Variants in ROCK1 observed in about 807,000 individuals in gnomAD.
The protein encoded by ROCK1 is rho-associated protein kinase 1.
A neutral mutation model predicts 196.8 loss-of-function variants in ROCK1; 36 were observed. The observed-to-expected ratio is 0.18, with a 90% CI of 0.14 to 0.24. ROCK1 has a LOEUF of 0.24. ROCK1 is among the 10% of genes least tolerant of loss of function. The pLI is 1.00. For missense variants in ROCK1, 920 were observed against 1,562.0 expected (o/e 0.59, Z 6.93); for synonymous variants, 443 against 515.9 (o/e 0.86, Z 1.91).
intron 2 of ROCK1, among the ~76,000 whole-genome samples, chr18:21,064,048 TTATC>T (rs1439472696): frequency 2.6e-5 from 4 of 152,300 alleles, no homozygotes; most frequent in South Asian, 2.1e-4. Context: ...TTCAATTTCT[TTATC>T]TAAGTTTTTA....
intron 29 of ROCK1, among the ~76,000 whole-genome samples, chr18:20,957,475 T>C (rs1438297671): frequency 3.9e-5 from 6 of 152,040 alleles, no homozygotes; most frequent in African/African-American, 1.4e-4. Flanking sequence ...ACAAGTGAGC[T>C]TTCCTTTTTC....
At position 20,947,757 on chromosome 18, in the gene ROCK1, C is replaced by T. The variant is rs2035143060; in HGVS notation, c.*3627G>A. On this transcript the variant is annotated 3_prime_UTR_variant, in exon 33 of 33. Transcript: ENST00000399799. ...TGTCTTTTTAAACTTCTCCAAATGTCTTACAATTTTCTTGGTGGAGGTCGT... is the reference window on the plus strand; with the variant it reads ...TGTCTTTTTAAACTTCTCCAAATGTTTTACAATTTTCTTGGTGGAGGTCGT... 2 of 152,020 alleles carry T rather than the reference C, an allele frequency of 1.3e-5. No individual in the cohort carries two copies. The highest frequency in any genetic ancestry group is 4.8e-5 in the African/African-American group (2 of 41,374). The allele number at this position is 152,020 out of a possible 1,614,324, so 9.4% of individuals were successfully genotyped here.
chr18:21,004,709 T>G (rs910487577), intron 16 of ROCK1, among the ~76,000 whole-genome samples: 10 of 152,164 alleles, frequency 6.6e-5, no homozygotes, highest in African/African-American at 9.7e-5. Flanking sequence ...TATTCTTATC[T>G]CCTTGGTTTA....
intron 1 of ROCK1, among the ~76,000 whole-genome samples, chr18:21,078,984 C>T (rs932853203): frequency 6.6e-6 from 1 of 152,120 alleles, no homozygotes; most frequent in African/African-American, 2.4e-5. Context: ...TGTCCCTCAA[C>T]TAAATTGGGG....
At chr18:20,988,799 A>G (rs1322169093) in intron 18 of ROCK1, among the ~76,000 whole-genome samples, 1 of 151,940 alleles carries the variant, frequency 6.6e-6, no homozygotes, top group African/African-American at 2.4e-5. Flanking sequence ...AGCTGTATGT[A>G]TTTTCATTTA....
intron 25 of ROCK1, 148 bp from the exon 26 acceptor site, chr18:20,968,088 A>G (rs886235575): frequency 2.7e-6 from 2 of 739,570 alleles, no homozygotes; most frequent in African/African-American, 3.6e-5. Context: ...GATAACTGGT[A>G]GCACAAGTAA....
At chr18:21,004,382 A>AT (rs751312145) in intron 16 of ROCK1, among the ~76,000 whole-genome samples, 32 of 152,152 alleles carry the variant, frequency 2.1e-4, no homozygotes, top group Non-Finnish European at 4.1e-4. Flanking sequence ...AAGCATTGTG[A>AT]TTTTTTTAAA....
intron 1 of ROCK1, among the ~76,000 whole-genome samples, chr18:21,105,885 A>G (rs1339161138): frequency 2.0e-5 from 3 of 152,212 alleles, no homozygotes; most frequent in South Asian, 2.1e-4. Context: ...GAAGACAAAG[A>G]TAAGTATGAT....
At chr18:21,081,789 C>A (rs892598841) in intron 1 of ROCK1, among the ~76,000 whole-genome samples, 2 of 152,100 alleles carry the variant, frequency 1.3e-5, no homozygotes, top group East Asian at 1.9e-4. Flanking sequence ...AGCATACAAT[C>A]TGCCAAAAAT....
At chr18:20,958,863 T>C (rs147504317) in intron 29 of ROCK1, among the ~76,000 whole-genome samples, 1,408 of 56,604 alleles carry the variant, frequency 0.025, no homozygotes, top group East Asian at 0.061. Flanking sequence ...AGTTATAAAA[T>C]ATATATATTA....
intron 1 of ROCK1, among the ~76,000 whole-genome samples, chr18:21,073,468 T>C (rs1346808602): frequency 1.3e-5 from 2 of 152,184 alleles, no homozygotes; most frequent in Admixed American, 6.5e-5. Flanking sequence ...AAACTTTAGT[T>C]TTCTGGATAA....
chr18:21,080,502 G>A (rs1270736185), intron 1 of ROCK1, among the ~76,000 whole-genome samples: 1 of 152,094 alleles, frequency 6.6e-6, no homozygotes, highest in African/African-American at 2.4e-5. Context: ...AACACTTTAA[G>A]TATAAATGGA....
chr18:20,998,098 A>G (rs1287705716), intron 16 of ROCK1, among the ~76,000 whole-genome samples: 6 of 152,116 alleles, frequency 3.9e-5, no homozygotes, highest in Non-Finnish European at 7.4e-5. Flanking sequence ...CGGCCTCCCA[A>G]AGTGCTGGGA....
intron 9 of ROCK1, among the ~76,000 whole-genome samples, chr18:21,036,592 T>C (rs561816480): frequency 6.6e-6 from 1 of 152,116 alleles, no homozygotes; most frequent in Admixed American, 6.6e-5. Context: ...CATAGGTGCA[T>C]GCCATCACAC....
At chr18:21,008,617 T>A (rs894677392) in intron 13 of ROCK1, among the ~76,000 whole-genome samples, 1 of 152,226 alleles carries the variant, frequency 6.6e-6, no homozygotes, top group Non-Finnish European at 1.5e-5. Context: ...CCTTTCTGAG[T>A]TACCACTATC....
Position 20,999,714 on chromosome 18 carries a change from G to T in ROCK1, c.1885+6637C>A, listed in dbSNP as rs560571815. Reference sequence around the variant, plus strand: ...ATTGGAAGACTTAATATTAGTTTTGGTTTTTTTTGAGACAAGGTCTGCCTC... The same window carrying T: ...ATTGGAAGACTTAATATTAGTTTTGTTTTTTTTTGAGACAAGGTCTGCCTC... On this transcript the variant is annotated intron_variant, in intron 16 of 32. Transcript: ENST00000399799. Among the ~76,000 whole-genome samples the T allele has an allele frequency of 7.0e-4, 106 of 151,952 alleles. 1 individual carries two copies. Among genetic ancestry groups the T allele is most frequent in the African/African-American group, 2.5e-3 (103 of 41,450 alleles).
rs530702515 is a variant in ROCK1 at position 21,032,514 on chromosome 18, T to G, written c.1052-3579A>C. Among the ~76,000 whole-genome samples, 181 of 150,826 alleles carry G rather than the reference T, an allele frequency of 1.2e-3. 1 individual carries two copies. Among genetic ancestry groups the G allele is most frequent in the Non-Finnish European group, 2.2e-3 (150 of 67,606 alleles). ...AGAAAACAAATAGGAAAGTTTTTTTTTTTTTTTTTTGAGACAGAGTCTCAA... is the reference window on the plus strand; with the variant it reads ...AGAAAACAAATAGGAAAGTTTTTTTGTTTTTTTTTTGAGACAGAGTCTCAA... On this transcript the variant is annotated intron_variant, in intron 9 of 32. Transcript: ENST00000399799.
Position 20,949,257 on chromosome 18 carries a change from C to T in ROCK1, c.*2127G>A, listed in dbSNP as rs1435651721. 2.6e-5 allele frequency: 4 copies of T among 151,904 alleles called. No homozygotes were observed. The highest frequency in any genetic ancestry group is 9.7e-5 in the African/African-American group (4 of 41,316). The allele number at this position is 151,904 out of a possible 1,614,324, so 9.4% of individuals were successfully genotyped here. ...GAGTCTGAGAAGGTAGTAAGGACAC[C>T]GTCAGGAACTGTGCTGAGATTTTAT... On this transcript the variant is annotated 3_prime_UTR_variant, in exon 33 of 33. Coordinates refer to ENST00000399799, the MANE Select transcript of ROCK1 (RefSeq NM_005406.3).
chr18:21,092,281 G>A (rs1380882971), intron 1 of ROCK1, among the ~76,000 whole-genome samples: 1 of 151,918 alleles, frequency 6.6e-6, no homozygotes, highest in Non-Finnish European at 1.5e-5. Context: ...AAAAAAATTG[G>A]ATCAACCAAA....
Sources: allele counts gnomAD v4.1 joint callset (sites outside exome capture counted in the v4.1 genomes callset), GRCh38; gene constraint gnomAD v4.1.1; transcripts MANE v1.5; gene names NCBI Gene and HGNC (gene_info 2026-07-23, HGNC 2026-07-21).